RIC1: variants seen among roughly 807,000 people sequenced by gnomAD.
RIC1 encodes RIC1 partner of RAB6A GEF complex, also known as guanine nucleotide exchange factor subunit RIC1.
A neutral mutation model predicts 169.0 loss-of-function variants in RIC1; 88 were observed. That is an observed-to-expected ratio of 0.52 (90% confidence interval 0.44 to 0.62). The LOEUF (loss-of-function observed/expected upper bound fraction) is 0.62. Among genes scored for constraint, RIC1 ranks in the 20% least tolerant of loss-of-function variants. The pLI is 0.00. For missense variants in RIC1, 1,877 were observed against 1,725.5 expected (o/e 1.09, Z -1.56); for synonymous variants, 790 against 601.5 (o/e 1.31, Z -4.59).
At chr9:5,680,553 T>C (rs931909589) in intron 2 of RIC1, among the ~76,000 whole-genome samples, 14 of 152,314 alleles carry the variant, frequency 9.2e-5, no homozygotes, top group African/African-American at 3.1e-4. Flanking sequence ...TTCTGCTTCT[T>C]CCTGGTTTAG....
At chr9:5,728,760 G>C (rs572757799) in intron 6 of RIC1, among the ~76,000 whole-genome samples, 1 of 152,244 alleles carries the variant, frequency 6.6e-6, no homozygotes, top group South Asian at 2.1e-4. Flanking sequence ...CTTTAACACA[G>C]CTGTTTTTTG....
chr9:5,706,631 A>G (rs1050439378), intron 3 of RIC1, among the ~76,000 whole-genome samples: 1 of 152,092 alleles, frequency 6.6e-6, no homozygotes, highest in Non-Finnish European at 1.5e-5. Flanking sequence ...TTCATTACTT[A>G]TTATAGGTCT....
intron 3 of RIC1, among the ~76,000 whole-genome samples, chr9:5,696,002 A>G (rs1840864345): frequency 6.6e-6 from 1 of 152,148 alleles, no homozygotes; most frequent in African/African-American, 2.4e-5. Flanking sequence ...TGAGGTAGAA[A>G]ACCTTTAATT....
At chr9:5,760,859 T>A (rs1353740840) in intron 17 of RIC1, among the ~76,000 whole-genome samples, 1 of 152,144 alleles carries the variant, frequency 6.6e-6, no homozygotes, top group Non-Finnish European at 1.5e-5. Flanking sequence ...CCCTAAATGA[T>A]CATTGGTAGC....
At chr9:5,658,669 T>C (rs1028656578) in intron 2 of RIC1, among the ~76,000 whole-genome samples, 2 of 152,098 alleles carry the variant, frequency 1.3e-5, no homozygotes, top group Non-Finnish European at 2.9e-5. Flanking sequence ...AAAGACTTAG[T>C]TGGACAGATT....
At chr9:5,770,675 G>A (rs1359669597) in intron 23 of RIC1, among the ~76,000 whole-genome samples, 1 of 151,946 alleles carries the variant, frequency 6.6e-6, no homozygotes, top group African/African-American at 2.4e-5. Context: ...TTTTTCTTTT[G>A]GAATATGTGA....
At chr9:5,695,464 G>T (rs946019238) in intron 3 of RIC1, among the ~76,000 whole-genome samples, 6 of 151,812 alleles carry the variant, frequency 4.0e-5, no homozygotes, top group African/African-American at 1.2e-4. Flanking sequence ...TCTATATCCA[G>T]TCTAGTATAT....
At chr9:5,717,794 G>A (rs1026022390) in intron 4 of RIC1, among the ~76,000 whole-genome samples, 19 of 150,588 alleles carry the variant, frequency 1.3e-4, no homozygotes, top group African/African-American at 2.7e-4. Flanking sequence ...CTGAGATCGC[G>A]CCACTGCACT....
chr9:5,641,732 G>A (rs1454949541), intron 1 of RIC1, among the ~76,000 whole-genome samples: 2 of 143,400 alleles, frequency 1.4e-5, no homozygotes, highest in Non-Finnish European at 3.0e-5. Context: ...TCAGTTTGTT[G>A]GTTGCATTTT....
intron 6 of RIC1, among the ~76,000 whole-genome samples, chr9:5,723,928 T>C (rs1823778517): frequency 6.6e-6 from 1 of 152,242 alleles, no homozygotes; most frequent in Admixed American, 6.5e-5. Context: ...ATCTCTGTTT[T>C]GGTACCAGTA....
chr9:5,636,203 A>G (rs1484561779), intron 1 of RIC1, among the ~76,000 whole-genome samples: 2 of 152,198 alleles, frequency 1.3e-5, no homozygotes, highest in Non-Finnish European at 2.9e-5. Flanking sequence ...ATATCCAGCC[A>G]TTTATTTGTA....
At chr9:5,713,525 A>G (rs1176680113) in intron 3 of RIC1, 1 of 166,168 alleles carries the variant, frequency 6.0e-6, no homozygotes, top group Non-Finnish European at 1.3e-5. Flanking sequence ...TGGGACAGAT[A>G]CTGTATAGAA....
At chr9:5,713,464 G>C (rs1823055400) in intron 3 of RIC1, 1 of 152,506 alleles carries the variant, frequency 6.6e-6, no homozygotes, top group Non-Finnish European at 1.5e-5. Flanking sequence ...GAATAGGAAT[G>C]AAGGATAAGG....
Position 5,745,999 on chromosome 9 carries a change from G to C in RIC1, c.1164G>C (p.Glu388Asp). The change falls in exon 11 of 26, where the codon GAG becomes GAC. Residue 388 changes from glutamate (E) to aspartate (D), a missense_variant. By Grantham distance (45) the Glu-to-Asp change is conservative. Coordinates refer to ENST00000414202, the MANE Select transcript of RIC1 (RefSeq NM_020829.4). ...TTGGTTCTCAAAACACTGAAATTGA[G>C]TCTGACCTCAGGAGTGTAGTTAAAC... is the stretch of plus-strand genomic sequence containing the variant. ...SGFGSQNTEI[E>D]SDLRSVVKQP... is the part of the protein sequence containing the mutation. 1 of 1,613,670 alleles carries C rather than the reference G, an allele frequency of 6.2e-7. No individual in the cohort carries two copies. The highest frequency in any genetic ancestry group is 8.5e-7 in the Non-Finnish European group (1 of 1,179,698).
intron 12 of RIC1, chr9:5,748,650 A>T (rs533480247): frequency 1.3e-5 from 2 of 152,732 alleles, no homozygotes; most frequent in African/African-American, 4.8e-5. Context: ...CCTAGCATCA[A>T]TGCCAGTTCT....
intron 6 of RIC1, among the ~76,000 whole-genome samples, chr9:5,732,184 C>T (rs1465976125): frequency 6.6e-6 from 1 of 152,100 alleles, no homozygotes; most frequent in Non-Finnish European, 1.5e-5. Flanking sequence ...CAGACCAATT[C>T]ATGAGAAGTT....
chr9:5,698,788 T>C (rs1017391941), intron 3 of RIC1, among the ~76,000 whole-genome samples: 9 of 152,212 alleles, frequency 5.9e-5, no homozygotes, highest in Non-Finnish European at 1.0e-4. Context: ...GCAACTGGTA[T>C]TGTTGTCTAG....
At position 5,763,405 on chromosome 9, in the gene RIC1, A is replaced by G. The variant is rs756881961; in HGVS notation, c.2378A>G (p.Asn793Ser). Residue 793 changes from asparagine (N) to serine (S), a missense_variant, in exon 19 of 26, where the codon AAT becomes AGT. By Grantham distance (46) the Asn-to-Ser change is conservative. This residue lies in a region of RIC1 where 1,104 missense variants were observed against 992.0 expected (regional missense o/e 1.11). Transcript: ENST00000414202. This position sits in a 1 kb window ranked among gnomAD's most constrained non-coding sequence, Gnocchi z 5.2. ...GATGCTTTAGTCCTTGGTGCTGTCA[A>G]TGACACTTTGCTCTATGATTCTTTA... ...FEDALVLGAV[N>S]DTLLYDSLYT... The G allele has an allele frequency of 1.4e-5, 23 of 1,614,146 alleles. No homozygotes were observed. Among genetic ancestry groups the G allele is most frequent in the South Asian group, 6.6e-5 (6 of 91,080 alleles).
At chr9:5,743,116 T>A in intron 9 of RIC1, 103 bp downstream of exon 9, 1 of 1,051,082 alleles carries the variant, frequency 9.5e-7, no homozygotes, top group Non-Finnish European at 1.4e-6. Flanking sequence ...GCCTTGACTC[T>A]TACCTTAAAA....
Sources: gnomAD v4.1 joint callset for allele counts (sites outside exome capture counted in the v4.1 genomes callset) on GRCh38, gnomAD v4.1.1 for gene constraint, gnomAD v4.1.1 regional missense constraint, Gnocchi (gnomAD v3.1) non-coding constraint, MANE v1.5 for transcripts, NCBI Gene and HGNC (gene_info 2026-07-23, HGNC 2026-07-21) for gene names.